Variants in CORIN observed in about 807,000 individuals in gnomAD.
CORIN encodes corin, serine peptidase.
Under a neutral mutation model 125.3 loss-of-function variants are expected in CORIN, and 117 were observed. That is an observed-to-expected ratio of 0.93 (90% CI 0.80 to 1.09). The LOEUF is 1.09. CORIN is among the 50% of genes least tolerant of loss of function. The pLI is 0.00. For missense variants in CORIN, 1,253 were observed against 1,306.7 expected, an observed-to-expected ratio of 0.96 and a Z score of 0.63; for synonymous variants, 450 against 466.4, an observed-to-expected ratio of 0.96 and a Z score of 0.45.
rs369945941 is a variant in CORIN, at chr4:47,626,435, C to T, written c.2285G>A (p.Gly762Glu). The change falls in exon 17 of 22, where the codon GGG (glycine) becomes GAG (glutamate). Residue 762 changes from glycine to glutamate, a missense_variant. Transcript: ENST00000273857. ...TACTAGAAGTTCATGTAAAGTGGTC[C>T]CATTGAGGCTCTCCCAGTTGGAGTG... is the stretch of plus-strand genomic sequence containing the variant. ...TLHSNWESLNGTTLHELLVNG... is the reference protein window; with the variant it reads ...TLHSNWESLNETTLHELLVNG... The T allele has an allele frequency of 3.7e-6, 6 of 1,612,524 alleles. No homozygotes were observed. The African/African-American group carries it at 6.7e-5, about 18-fold the overall frequency.
chr4:47,777,747 A>G (rs750384390), intron 3 of CORIN, among the ~76,000 whole-genome samples: 3 of 152,244 alleles, frequency 2.0e-5, no homozygotes, highest in African/African-American at 4.8e-5. Flanking sequence ...CAAATTGAAA[A>G]GATGTAAAGC....
chr4:47,655,823 A>T (rs986724097), intron 12 of CORIN, among the ~76,000 whole-genome samples: 5 of 151,348 alleles, frequency 3.3e-5, no homozygotes, highest in African/African-American at 1.2e-4. Flanking sequence ...AATGCTATTT[A>T]AGTAATACTT....
At chr4:47,680,360 C>T (rs1293722523) in intron 7 of CORIN, 109 bp from the exon 8 acceptor site, 1 of 699,716 alleles carries the variant, frequency 1.4e-6, no homozygotes, top group Non-Finnish European at 2.5e-6. Flanking sequence ...GGCTCCAATA[C>T]CTTCAATAAC....
chr4:47,808,454 T>C (rs1042642648), intron 1 of CORIN, among the ~76,000 whole-genome samples: 1 of 152,230 alleles, frequency 6.6e-6, no homozygotes, highest in African/African-American at 2.4e-5. Flanking sequence ...CCATTTCTGC[T>C]TTATTCTCTC....
chr4:47,754,952 G>A (rs1364637884), intron 4 of CORIN, among the ~76,000 whole-genome samples: 1 of 152,138 alleles, frequency 6.6e-6, no homozygotes, highest in Non-Finnish European at 1.5e-5. Context: ...AAGAGTTTTT[G>A]AGAAAACCTA....
At chr4:47,761,222 T>C (rs73150638) in intron 4 of CORIN, among the ~76,000 whole-genome samples, 32 of 152,356 alleles carry the variant, frequency 2.1e-4, no homozygotes, top group African/African-American at 7.5e-4. Flanking sequence ...GCTTTCAGCA[T>C]ATCTTGGCTT....
intron 6 of CORIN, among the ~76,000 whole-genome samples, chr4:47,690,086 A>C (rs1232358214): frequency 6.6e-6 from 1 of 152,226 alleles, no homozygotes; most frequent in Non-Finnish European, 1.5e-5. Flanking sequence ...TAGGGGAGAA[A>C]GTCAGAAAGT....
chr4:47,685,422 T>C (rs1725467473), intron 6 of CORIN, among the ~76,000 whole-genome samples: 1 of 152,190 alleles, frequency 6.6e-6, no homozygotes, highest in African/African-American at 2.4e-5. Context: ...AAAAATTACA[T>C]ATTATATGAC....
intron 21 of CORIN, among the ~76,000 whole-genome samples, chr4:47,596,128 G>C (rs189515365): frequency 6.6e-6 from 1 of 152,218 alleles, no homozygotes; most frequent in African/African-American, 2.4e-5. Context: ...GAGTGGCTTG[G>C]GAAGAAATTA....
intron 5 of CORIN, among the ~76,000 whole-genome samples, chr4:47,717,898 T>C (rs531445663): frequency 2.0e-4 from 30 of 151,966 alleles, no homozygotes; most frequent in Non-Finnish European, 4.1e-4. Flanking sequence ...AAGCACTAGA[T>C]ACAAGATGAA....
chr4:47,780,889 A>AAT (rs1022296595), intron 3 of CORIN, among the ~76,000 whole-genome samples: 11 of 151,642 alleles, frequency 7.3e-5, no homozygotes, highest in South Asian at 2.1e-4. Flanking sequence ...ATAGCTATCG[A>AAT]ATATATATAT....
At chr4:47,653,981 T>C (rs1723850904) in intron 12 of CORIN, among the ~76,000 whole-genome samples, 1 of 152,206 alleles carries the variant, frequency 6.6e-6, no homozygotes, top group Admixed American at 6.5e-5. Context: ...ACCTAGCGGC[T>C]CTCAATGTGT....
intron 16 of CORIN, among the ~76,000 whole-genome samples, chr4:47,640,886 A>G (rs1452021201): frequency 6.6e-6 from 1 of 152,216 alleles, no homozygotes; most frequent in Non-Finnish European, 1.5e-5. Flanking sequence ...TCTGAACACA[A>G]TCATAACCTA....
At chr4:47,689,972 G>C (rs907992594) in intron 6 of CORIN, among the ~76,000 whole-genome samples, 3 of 152,028 alleles carry the variant, frequency 2.0e-5, no homozygotes, top group African/African-American at 7.2e-5. Flanking sequence ...AAATTTTCCT[G>C]GTTTTTGAAA....
At chr4:47,699,823 T>C (rs577869390) in intron 5 of CORIN, among the ~76,000 whole-genome samples, 2 of 152,326 alleles carry the variant, frequency 1.3e-5, no homozygotes, top group South Asian at 2.1e-4. Context: ...TGAGTGGCAT[T>C]TGCTCTTAGT....
At chr4:47,772,572 T>C (rs1730097664) in intron 3 of CORIN, among the ~76,000 whole-genome samples, 1 of 152,220 alleles carries the variant, frequency 6.6e-6, no homozygotes, top group Non-Finnish European at 1.5e-5. Context: ...TTTCTATACA[T>C]AATATGGTGG....
At chr4:47,605,700 TA>T (rs1030900087) in intron 19 of CORIN, among the ~76,000 whole-genome samples, 4 of 152,126 alleles carry the variant, frequency 2.6e-5, no homozygotes, top group Non-Finnish European at 5.9e-5. Flanking sequence ...TGGGAGCCTT[TA>T]AAATAGTGAT....
chr4:47,761,324 G>T (rs1228604075), intron 4 of CORIN, among the ~76,000 whole-genome samples: 1 of 152,148 alleles, frequency 6.6e-6, no homozygotes, highest in Non-Finnish European at 1.5e-5. Context: ...AATACTTAGA[G>T]GCCATTGTAG....
rs548177261 is a variant in CORIN, at chr4:47,770,780, A to G, written c.410-7194T>C. Reference sequence around the variant, plus strand: ...TAAGTGAAATCAACTAAGCACAAAAAGACAAAAACCACATGATTTCACTTA... The same window carrying G: ...TAAGTGAAATCAACTAAGCACAAAAGGACAAAAACCACATGATTTCACTTA... On this transcript the variant is annotated intron_variant, in intron 3 of 21. Transcript: ENST00000273857. Among the ~76,000 whole-genome samples the G allele has an allele frequency of 7.2e-4, 110 of 152,316 alleles. 1 individual carries two copies. The highest frequency in any genetic ancestry group is 2.5e-3 in the African/African-American group (104 of 41,580).
Sources: allele counts gnomAD v4.1 joint callset (sites outside exome capture counted in the v4.1 genomes callset), GRCh38; gene constraint gnomAD v4.1.1; transcripts MANE v1.5; gene names NCBI Gene and HGNC (gene_info 2026-07-23, HGNC 2026-07-21).